Variants in MYO3A observed in about 807,000 individuals in gnomAD.
MYO3A encodes myosin IIIA.
MYO3A carries 180 observed loss-of-function variants against 192.7 expected under a neutral mutation model. The observed-to-expected ratio is 0.93, with a 90% CI of 0.83 to 1.06. The LOEUF (loss-of-function observed/expected upper bound fraction) is 1.06, where lower values mean the gene tolerates loss of function less well. MYO3A is among the 50% of genes least tolerant of loss of function. The pLI, the probability that MYO3A is intolerant of heterozygous loss-of-function variation, is 0.00. For synonymous variants in MYO3A, 628 were observed against 645.3 expected (o/e 0.97, Z 0.41); for missense variants, 1,896 against 1,905.0 (o/e 1.00, Z 0.09).
intron 14 of MYO3A, among the ~76,000 whole-genome samples, chr10:26,086,576 C>T (rs1377075544): frequency 6.6e-6 from 1 of 151,998 alleles, no homozygotes; most frequent in African/African-American, 2.4e-5. Flanking sequence ...TATAACCTCT[C>T]CTTACCAGAT....
At chr10:25,987,389 C>T (rs147872953) in intron 4 of MYO3A, among the ~76,000 whole-genome samples, 1,897 of 152,228 alleles carry the variant, frequency 0.012, 41 homozygotes, top group African/African-American at 0.037. Flanking sequence ...AAAGCTTCTG[C>T]GCAGCAAAAG....
At chr10:26,021,040 G>A (rs139617771) in intron 7 of MYO3A, among the ~76,000 whole-genome samples, 90 of 152,276 alleles carry the variant, frequency 5.9e-4, no homozygotes, top group Middle Eastern at 3.4e-3. Context: ...CTAGTTGCCA[G>A]TAGAGACCAA....
intron 4 of MYO3A, among the ~76,000 whole-genome samples, chr10:25,967,761 G>T (rs981325468): frequency 1.3e-5 from 2 of 152,082 alleles, no homozygotes; most frequent in African/African-American, 4.8e-5. Context: ...AAAAAGAACT[G>T]AATAGAACTT....
chr10:26,101,621 G>A (rs898794017), intron 17 of MYO3A, among the ~76,000 whole-genome samples: 2 of 152,266 alleles, frequency 1.3e-5, no homozygotes, highest in Middle Eastern at 3.4e-3. Flanking sequence ...GCATTTGCTT[G>A]TCTGTAAAGG....
chr10:26,198,581 T>C (rs965945167), intron 32 of MYO3A, among the ~76,000 whole-genome samples: 1 of 152,226 alleles, frequency 6.6e-6, no homozygotes, highest in African/African-American at 2.4e-5. Flanking sequence ...ATAAAGAAAT[T>C]GGTAGTGTAT....
chr10:26,197,241 C>G (rs1371982794), intron 32 of MYO3A, among the ~76,000 whole-genome samples: 1 of 152,104 alleles, frequency 6.6e-6, no homozygotes, highest in East Asian at 1.9e-4. Context: ...TTTAAGAAAA[C>G]AAGAACTAGG....
chr10:26,157,543 T>C (rs1301976300), intron 26 of MYO3A, 28 bp downstream of exon 26: 1 of 1,593,002 alleles, frequency 6.3e-7, no homozygotes, highest in African/African-American at 1.3e-5. Flanking sequence ...TCAGTTTCTA[T>C]TGTGCAGTTT....
intron 7 of MYO3A, among the ~76,000 whole-genome samples, chr10:26,017,833 A>T (rs1454258337): frequency 2.0e-5 from 3 of 151,562 alleles, no homozygotes; most frequent in Non-Finnish European, 2.9e-5. Context: ...AAAAACAAAA[A>T]TTGAATAGGA....
chr10:26,190,142 T>A (rs982140814), intron 31 of MYO3A, among the ~76,000 whole-genome samples: 12 of 152,134 alleles, frequency 7.9e-5, no homozygotes, highest in African/African-American at 2.9e-4. Flanking sequence ...GAAACCATAT[T>A]AAGACTCTAC....
intron 15 of MYO3A, among the ~76,000 whole-genome samples, chr10:26,088,858 T>C (rs1474090394): frequency 6.6e-6 from 1 of 152,242 alleles, no homozygotes; most frequent in African/African-American, 2.4e-5. Flanking sequence ...CTTTATCATA[T>C]TGACCTTTTA....
At chr10:26,044,954 G>A (rs371408320) in intron 10 of MYO3A, among the ~76,000 whole-genome samples, 2 of 152,226 alleles carry the variant, frequency 1.3e-5, no homozygotes, top group African/African-American at 4.8e-5. Context: ...CATGCCTGGT[G>A]TGCAGGCTGT....
At position 26,061,803 on chromosome 10, in the gene MYO3A, C is replaced by T. The variant is rs149991091; in HGVS notation, c.954-5172C>T. On this transcript the variant is annotated intron_variant, in intron 10 of 34. Transcript: ENST00000642920. ...ATTGATCCCTCTGCTCCTCACCATC[C>T]ACTCCCTATCGTTCTCCAGTAACAG... 2.4e-3 allele frequency among the ~76,000 whole-genome samples: 365 copies of T among 152,240 alleles called. 5 individuals carry two copies. The highest frequency in any genetic ancestry group is 0.017 in the Middle Eastern group (5 of 294).
chr10:26,164,239 G>A (rs7095559), intron 26 of MYO3A, among the ~76,000 whole-genome samples: 49,629 of 152,040 alleles, frequency 0.33, 8,302 homozygotes, highest in South Asian at 0.44. Context: ...ACAGATGAGC[G>A]AGGCTTAAGG....
intron 2 of MYO3A, among the ~76,000 whole-genome samples, chr10:25,936,785 A>G (rs1836098434): frequency 6.6e-6 from 1 of 152,174 alleles, no homozygotes; most frequent in Admixed American, 6.5e-5. Flanking sequence ...TTTTATGAAA[A>G]TATGGGTTAC....
intron 29 of MYO3A, among the ~76,000 whole-genome samples, chr10:26,172,180 C>T (rs771254458): frequency 3.9e-5 from 6 of 152,198 alleles, no homozygotes; most frequent in Non-Finnish European, 7.3e-5. Context: ...CAGAGATCTG[C>T]GGGCCAGCAC....
chr10:26,171,888 C>A (rs1009572791), intron 29 of MYO3A, among the ~76,000 whole-genome samples: 3 of 152,284 alleles, frequency 2.0e-5, no homozygotes, highest in East Asian at 1.9e-4. Flanking sequence ...CAATTACATA[C>A]CCATTTGCTA....
intron 17 of MYO3A, among the ~76,000 whole-genome samples, chr10:26,106,233 G>A (rs1837794991): frequency 6.6e-6 from 1 of 152,022 alleles, no homozygotes; most frequent in African/African-American, 2.4e-5. Context: ...TTCATGATAT[G>A]TATGTCTTCT....
intron 17 of MYO3A, among the ~76,000 whole-genome samples, chr10:26,108,049 A>T (rs1252461952): frequency 9.9e-5 from 15 of 152,094 alleles, no homozygotes; most frequent in Admixed American, 9.8e-4. Context: ...ACACTTCCTT[A>T]TGTCCCATAG....
In MYO3A at chr10:26,077,955, T is replaced by C. The variant is rs182994474; in HGVS notation, c.1359+7554T>C. Among the ~76,000 whole-genome samples, 1,318 of 152,144 alleles carry C rather than the reference T, an allele frequency of 8.7e-3. 15 individuals carry two copies. The highest frequency in any genetic ancestry group is 0.029 in the African/African-American group (1,199 of 41,538). The stretch of plus-strand genomic sequence containing the variant: ...TTCATCAAGGATATAGGTCTGTAGT[T>C]TTCTTTTTTGGTTATATCCTTTCCT... On this transcript the variant is annotated intron_variant, in intron 14 of 34. Coordinates refer to ENST00000642920, the MANE Select transcript of MYO3A (RefSeq NM_017433.5).
Sources: gnomAD v4.1 joint callset for allele counts (sites outside exome capture counted in the v4.1 genomes callset) on GRCh38, gnomAD v4.1.1 for gene constraint, MANE v1.5 for transcripts, NCBI Gene and HGNC (gene_info 2026-07-23, HGNC 2026-07-21) for gene names.